LINGO2: variants seen among roughly 807,000 people sequenced by gnomAD.
LINGO2 encodes leucine rich repeat and Ig domain containing 2.
In LINGO2, 14 loss-of-function variants were observed where a neutral mutation model predicts 30.6. That is an observed-to-expected ratio of 0.46 (90% CI 0.30 to 0.72). The LOEUF is 0.72. LINGO2 is among the 30% of genes least tolerant of loss of function. LINGO2 has a pLI of 0.07. For missense variants in LINGO2, 729 were observed against 751.7 expected, an observed-to-expected ratio of 0.97 and a Z score of 0.35; for synonymous variants, 317 against 288.5, an observed-to-expected ratio of 1.10 and a Z score of -1.00.
the LINGO2 span, among the ~76,000 whole-genome samples, chr9:29,056,100 T>C: frequency 2.6e-5 from 4 of 152,096 alleles, no homozygotes; most frequent in East Asian, 1.9e-4. Context: ...CTATTTCGTA[T>C]AATGACTTCT....
intron 4 of LINGO2, among the ~76,000 whole-genome samples, chr9:28,145,156 TA>T (rs1204515975): frequency 2.6e-5 from 4 of 152,156 alleles, no homozygotes; most frequent in Non-Finnish European, 5.9e-5. Flanking sequence ...TAGGCCACAG[TA>T]AGAAATGTTC....
At chr9:28,239,200 C>T (rs990086159) in intron 4 of LINGO2, among the ~76,000 whole-genome samples, 13 of 152,140 alleles carry the variant, frequency 8.5e-5, no homozygotes, top group African/African-American at 2.9e-4. Context: ...CTGCTGAATT[C>T]TACCAATCAT....
chr9:28,306,566 A>G (rs951610994), intron 3 of LINGO2, among the ~76,000 whole-genome samples: 5 of 152,130 alleles, frequency 3.3e-5, no homozygotes, highest in African/African-American at 1.2e-4. Context: ...GAAGGCAAGA[A>G]ATAACTAAAA....
At chr9:28,932,189 A>C in the LINGO2 span, among the ~76,000 whole-genome samples, 1 of 148,570 alleles carries the variant, frequency 6.7e-6, no homozygotes, top group African/African-American at 2.5e-5. Context: ...GATCTTGGCA[A>C]TATGACTAAT....
At chr9:28,193,965 A>G (rs1028026238) in intron 4 of LINGO2, among the ~76,000 whole-genome samples, 1 of 152,178 alleles carries the variant, frequency 6.6e-6, no homozygotes, top group African/African-American at 2.4e-5. Context: ...GTGAGCAGTC[A>G]AAGAAAGAAA....
chr9:28,804,864 T>A, the LINGO2 span, among the ~76,000 whole-genome samples: 1 of 152,138 alleles, frequency 6.6e-6, no homozygotes, highest in Non-Finnish European at 1.5e-5. Flanking sequence ...CTTCTTAAGA[T>A]GAATGATACA....
At chr9:29,085,742 C>A in the LINGO2 span, among the ~76,000 whole-genome samples, 4 of 152,052 alleles carry the variant, frequency 2.6e-5, no homozygotes, top group African/African-American at 9.7e-5. Context: ...CAGAGTCTAC[C>A]ATTTAAGTTT....
At chr9:29,098,961 C>A in the LINGO2 span, among the ~76,000 whole-genome samples, 1 of 152,112 alleles carries the variant, frequency 6.6e-6, no homozygotes, top group African/African-American at 2.4e-5. Context: ...GGATGCATCA[C>A]ATTACCTGAC....
intron 5 of LINGO2, 113 bp from the exon 7 acceptor site, chr9:27,950,819 C>T: frequency 3.9e-6 from 2 of 516,004 alleles, no homozygotes; most frequent in Non-Finnish European, 6.2e-6. Flanking sequence ...GATTTGGAAT[C>T]AATCAGATTT....
At chr9:28,674,025 T>A (rs977501408), upstream of LINGO2, among the ~76,000 whole-genome samples, 5 of 151,698 alleles carry the variant, frequency 3.3e-5, no homozygotes, top group African/African-American at 1.2e-4. Context: ...GTAAACCTAA[T>A]TAAAAAAAAA....
intron 4 of LINGO2, chr9:28,149,205 G>A: frequency 8.4e-7 from 1 of 1,187,784 alleles, no homozygotes. Flanking sequence ...AAGAAGAGAT[G>A]GTAGGGCAGG....
intron 4 of LINGO2, among the ~76,000 whole-genome samples, chr9:28,045,005 G>A (rs983831631): frequency 6.6e-6 from 1 of 151,984 alleles, no homozygotes; most frequent in Non-Finnish European, 1.5e-5. Flanking sequence ...CGTAATCCCA[G>A]TGTGCCAGTG....
At chr9:29,080,201 A>G in the LINGO2 span, among the ~76,000 whole-genome samples, 2 of 151,952 alleles carry the variant, frequency 1.3e-5, no homozygotes, top group Non-Finnish European at 2.9e-5. Flanking sequence ...GAATTTATCC[A>G]TTTCTTCTAG....
chr9:28,780,839 T>C, the LINGO2 span, among the ~76,000 whole-genome samples: 4 of 79,368 alleles, frequency 5.0e-5, no homozygotes, highest in Non-Finnish European at 8.5e-5. Context: ...AATGTGTGTG[T>C]GTGTGTGTGT....
At chr9:28,170,255 G>A (rs753549427) in intron 4 of LINGO2, among the ~76,000 whole-genome samples, 24 of 152,154 alleles carry the variant, frequency 1.6e-4, no homozygotes, top group Admixed American at 7.9e-4. Flanking sequence ...GACACTACAT[G>A]ACATTGTTCC....
chr9:29,023,036 C>T, the LINGO2 span, among the ~76,000 whole-genome samples: 1 of 151,560 alleles, frequency 6.6e-6, no homozygotes, highest in Admixed American at 6.6e-5. Flanking sequence ...TAATTAACAC[C>T]ATGCTGCCTA....
At chr9:28,183,295 G>A (rs1410426640) in intron 4 of LINGO2, among the ~76,000 whole-genome samples, 1 of 152,068 alleles carries the variant, frequency 6.6e-6, no homozygotes, top group Non-Finnish European at 1.5e-5. Flanking sequence ...CACACACCAG[G>A]GCCTGTTGAG....
At chr9:28,257,928 T>C (rs1822435554) in intron 4 of LINGO2, among the ~76,000 whole-genome samples, 1 of 151,918 alleles carries the variant, frequency 6.6e-6, no homozygotes, top group South Asian at 2.1e-4. Context: ...TGATGTGCAA[T>C]TGTCATTCCT....
the LINGO2 span, among the ~76,000 whole-genome samples, chr9:29,030,016 A>G: frequency 6.6e-6 from 1 of 152,110 alleles, no homozygotes; most frequent in African/African-American, 2.4e-5. Context: ...AAAATTTGGT[A>G]CTAGCTGGTG....
Sources: allele counts gnomAD v4.1 joint callset (sites outside exome capture counted in the v4.1 genomes callset), GRCh38; gene constraint gnomAD v4.1.1; transcripts MANE v1.5; gene names NCBI Gene and HGNC (gene_info 2026-07-23, HGNC 2026-07-21).